Variants in PTPRN2 observed in about 807,000 individuals in gnomAD.
PTPRN2 encodes receptor-type tyrosine-protein phosphatase N2.
PTPRN2 carries 74 observed loss-of-function variants against 118.8 expected under a neutral mutation model. That is an observed-to-expected ratio of 0.62 (90% CI 0.52 to 0.76). PTPRN2 has a LOEUF of 0.76. Among genes scored for constraint, PTPRN2 ranks in the 30% least tolerant of loss-of-function variants. The pLI, the probability that PTPRN2 is intolerant of heterozygous loss-of-function variation, is 0.00. For synonymous variants in PTPRN2, 641 were observed against 608.0 expected, an observed-to-expected ratio of 1.05 and a Z score of -0.80; for missense variants, 1,481 against 1,394.4, an observed-to-expected ratio of 1.06 and a Z score of -0.99.
intron 2 of PTPRN2, among the ~76,000 whole-genome samples, chr7:158,341,669 C>A (rs1586388570): frequency 8.8e-6 from 1 of 113,088 alleles, no homozygotes; most frequent in South Asian, 2.8e-4. Context: ...ACACTCTCAC[C>A]ATAAGAGCTG....
chr7:158,372,560 TGCTGGTCCCTGGA>T lies in PTPRN2; in HGVS notation c.164-55641_164-55629del, dbSNP rs1160647985. On this transcript the variant is annotated intron_variant, in intron 2 of 22. Coordinates refer to ENST00000389418, the MANE Select transcript of PTPRN2 (RefSeq NM_002847.5). ...TGGTCCCCAGAGCTGGTCTCCCCTG[TGCTGGTCCCTGGA>T]GCTGGTCCCCCCAACACTGGTCCCT... Among the ~76,000 whole-genome samples the T allele has an allele frequency of 2.9e-5, 4 of 139,568 alleles. No homozygotes were observed. In the East Asian group the frequency reaches 9.2e-4, roughly 32 times the overall value. The allele number at this position is 139,568 out of a possible 152,430, so 91.6% of individuals were successfully genotyped here. A position where few individuals can be genotyped will look rare whatever the true frequency, so the allele number is the denominator to read the frequency against.
At chr7:157,937,208 C>T (rs763165933) in intron 11 of PTPRN2, among the ~76,000 whole-genome samples, 2 of 152,232 alleles carry the variant, frequency 1.3e-5, no homozygotes, top group African/African-American at 4.8e-5. Context: ...GTCCTTAGCC[C>T]GAGTGACCAC....
chr7:158,532,481 A>G (rs9647695), intron 1 of PTPRN2, among the ~76,000 whole-genome samples: 151,143 of 152,194 alleles, frequency 0.99, 75,049 homozygotes, highest in East Asian at 1. Context: ...ATTTGCTCAG[A>G]CTTTCAGCAA....
intron 1 of PTPRN2, among the ~76,000 whole-genome samples, chr7:158,548,645 T>TA (rs1826445218): frequency 6.6e-6 from 1 of 152,254 alleles, no homozygotes; most frequent in South Asian, 2.1e-4. Flanking sequence ...GTGTGCCTTT[T>TA]ATGATAAAGG....
chr7:157,851,860 T>TC (rs1357359057), intron 12 of PTPRN2, among the ~76,000 whole-genome samples: 1 of 152,196 alleles, frequency 6.6e-6, no homozygotes. Context: ...GCCTCAGCGC[T>TC]CCCGCGCCTG....
At chr7:158,508,468 T>G (rs1016856526) in intron 1 of PTPRN2, among the ~76,000 whole-genome samples, 9 of 151,910 alleles carry the variant, frequency 5.9e-5, no homozygotes, top group Non-Finnish European at 1.3e-4. Context: ...GAAGTCAGGG[T>G]CAGGACGAGG....
At position 157,723,001 on chromosome 7, in the gene PTPRN2, C is replaced by T. The variant is rs375550986; in HGVS notation, c.1789-40064G>A. On this transcript the variant is annotated intron_variant, in intron 12 of 22. Transcript: ENST00000389418. Reference sequence around the variant, plus strand: ...CGTCCCTGGCTCAACTGCAGAGTTTCGTTACCATTTCCCGGAAACCCAGAC... The same window carrying T: ...CGTCCCTGGCTCAACTGCAGAGTTTTGTTACCATTTCCCGGAAACCCAGAC... 3.3e-5 allele frequency among the ~76,000 whole-genome samples: 5 copies of T among 152,210 alleles called. No individual in the cohort carries two copies. In the East Asian group the frequency reaches 5.8e-4, roughly 18 times the overall value.
At chr7:157,547,652 C>T (rs567683156) in intron 22 of PTPRN2, among the ~76,000 whole-genome samples, 11 of 152,186 alleles carry the variant, frequency 7.2e-5, no homozygotes, top group East Asian at 1.9e-4. Context: ...CTTCTCCCCG[C>T]GGGACACTGA....
intron 5 of PTPRN2, among the ~76,000 whole-genome samples, chr7:158,177,648 T>C (rs1824337199): frequency 6.6e-6 from 1 of 152,224 alleles, no homozygotes; most frequent in Non-Finnish European, 1.5e-5. Flanking sequence ...CAATAGCTCC[T>C]CTTTTGTCTT....
At position 157,977,884 on chromosome 7, in the gene PTPRN2, G is replaced by A. The variant is rs1802870632; in HGVS notation, c.1724-79147C>T. On this transcript the variant is annotated intron_variant, in intron 11 of 22. Transcript: ENST00000389418. The surrounding 1 kb of genome is among the most constrained non-coding windows in gnomAD (Gnocchi z 4.6). ...AGCTGGGACAAGAGTCGTGGCTGAG[G>A]AGGAGGGAAGGAGGTCAGCTTCCCG... 6.6e-6 allele frequency among the ~76,000 whole-genome samples: 1 copy of A among 151,820 alleles called. No homozygotes were observed. Among genetic ancestry groups the A allele is most frequent in the African/African-American group, 2.4e-5 (1 of 41,380 alleles).
At chr7:158,276,299 A>G (rs1586094395) in intron 3 of PTPRN2, among the ~76,000 whole-genome samples, 1 of 51,938 alleles carries the variant, frequency 1.9e-5, no homozygotes, top group Non-Finnish European at 4.6e-5. Flanking sequence ...GCACCCCCAC[A>G]CCCCGGCCCC....
intron 1 of PTPRN2, among the ~76,000 whole-genome samples, chr7:158,542,536 A>C (rs757486006): frequency 6.6e-6 from 1 of 152,220 alleles, no homozygotes; most frequent in Non-Finnish European, 1.5e-5. Flanking sequence ...GAAAGAAGGA[A>C]CCAAAGCGCA....
At chr7:158,163,067 T>G (rs1028182988) in intron 6 of PTPRN2, among the ~76,000 whole-genome samples, 1 of 152,188 alleles carries the variant, frequency 6.6e-6, no homozygotes, top group Admixed American at 6.5e-5. Context: ...TCAGAAATCA[T>G]TCGATGTCTG....
At chr7:157,647,043 TCCAGCGTGCACTGAAC>T (rs1805149258) in intron 14 of PTPRN2, among the ~76,000 whole-genome samples, 1 of 149,354 alleles carries the variant, frequency 6.7e-6, no homozygotes, top group Non-Finnish European at 1.5e-5. Context: ...GTCGGACCCA[TCCAGCGTGCACTGAAC>T]TCGGTGGGTC....
At chr7:158,465,820 T>C (rs1210520935) in intron 2 of PTPRN2, among the ~76,000 whole-genome samples, 1 of 152,184 alleles carries the variant, frequency 6.6e-6, no homozygotes, top group Non-Finnish European at 1.5e-5. Context: ...AAACCTGGTC[T>C]CTGATCACGT....
intron 2 of PTPRN2, among the ~76,000 whole-genome samples, chr7:158,362,142 T>C (rs1809032429): frequency 6.6e-6 from 1 of 152,214 alleles, no homozygotes; most frequent in Admixed American, 6.5e-5. Context: ...AAGCCACAGC[T>C]GCACCAGCAG....
intron 2 of PTPRN2, among the ~76,000 whole-genome samples, chr7:158,467,290 T>TG (rs71200031): frequency 0.69 from 104,754 of 151,808 alleles, 36,388 homozygotes; most frequent in Admixed American, 0.78. Context: ...TGGGTTTTTT[T>TG]TGTGTGTTGT....
chr7:158,545,370 G>A lies in PTPRN2; in HGVS notation c.112+42188C>T, dbSNP rs575175845. Among the ~76,000 whole-genome samples the A allele has an allele frequency of 5.3e-4, 80 of 152,306 alleles. 1 individual carries two copies. The South Asian group carries it at 7.5e-3, about 14-fold the overall frequency. ...ACCGACGCAGTGGGAGGCCACATGC[G>A]TTCCTCAGCAGCTGCAAATACCTGT... is the stretch of plus-strand genomic sequence containing the variant. On this transcript the variant is annotated intron_variant, in intron 1 of 22. Transcript: ENST00000389418.
intron 2 of PTPRN2, among the ~76,000 whole-genome samples, chr7:158,367,701 A>C (rs1809646149): frequency 6.6e-6 from 1 of 152,170 alleles, no homozygotes; most frequent in African/African-American, 2.4e-5. Context: ...TTTTCCAGAG[A>C]GTAAAAAATA....
Sources: gnomAD v4.1 joint callset for allele counts (sites outside exome capture counted in the v4.1 genomes callset) on GRCh38, gnomAD v4.1.1 for gene constraint, Gnocchi (gnomAD v3.1) non-coding constraint, MANE v1.5 for transcripts, NCBI Gene and HGNC (gene_info 2026-07-23, HGNC 2026-07-21) for gene names.